The following CCSER1 variants were observed in gnomAD, a reference collection of about 807,000 sequenced individuals.
The protein encoded by CCSER1 is coiled-coil serine rich protein 1.
In CCSER1, 41 loss-of-function variants were observed where a neutral mutation model predicts 82.0. That is an observed-to-expected ratio of 0.50 (90% CI 0.39 to 0.65). The LOEUF is 0.65. CCSER1 is among the 30% of genes least tolerant of loss of function. The pLI is 0.00. For synonymous variants in CCSER1, 414 were observed against 383.9 expected (o/e 1.08, Z -0.92); for missense variants, 1,119 against 1,064.2 (o/e 1.05, Z -0.72).
intron 5 of CCSER1, among the ~76,000 whole-genome samples, chr4:90,548,415 G>A (rs6828345): frequency 0.16 from 24,222 of 151,830 alleles, 2,512 homozygotes; most frequent in East Asian, 0.43. Context: ...TATCCCAGCT[G>A]GCACAAGTAA....
intron 10 of CCSER1, among the ~76,000 whole-genome samples, chr4:91,104,021 G>T (rs968679450): frequency 2.6e-5 from 4 of 152,098 alleles, no homozygotes; most frequent in Admixed American, 6.6e-5. Flanking sequence ...CTCTGGGAAT[G>T]TCTGTCTTAT....
intron 9 of CCSER1, among the ~76,000 whole-genome samples, chr4:91,020,221 A>T (rs1446657375): frequency 6.6e-6 from 1 of 152,208 alleles, no homozygotes; most frequent in African/African-American, 2.4e-5. Flanking sequence ...AACTGAAGTG[A>T]TATAACCTCA....
chr4:90,883,364 G>T (rs1721629113), intron 8 of CCSER1, among the ~76,000 whole-genome samples: 1 of 151,890 alleles, frequency 6.6e-6, no homozygotes, highest in African/African-American at 2.4e-5. Flanking sequence ...ACTAAAAATG[G>T]TACATTTAAA....
At chr4:90,690,497 C>A (rs779430740) in intron 6 of CCSER1, among the ~76,000 whole-genome samples, 2 of 152,008 alleles carry the variant, frequency 1.3e-5, no homozygotes, top group Non-Finnish European at 2.9e-5. Flanking sequence ...AATTATTGTC[C>A]TGTAAAACCT....
chr4:91,376,907 C>CCTTCCCCG (rs199937163), intron 10 of CCSER1, among the ~76,000 whole-genome samples: 1 of 150,336 alleles, frequency 6.7e-6, no homozygotes, highest in Non-Finnish European at 1.5e-5. Flanking sequence ...TCCCTCCCCC[C>CCTTCCCCG]ACCCAGGACA....
chr4:90,904,577 T>C (rs939608299), intron 8 of CCSER1, among the ~76,000 whole-genome samples: 2 of 152,186 alleles, frequency 1.3e-5, no homozygotes, highest in African/African-American at 4.8e-5. Flanking sequence ...CATATTATAA[T>C]GCCTGAATGC....
chr4:90,380,351 T>C (rs901329862), intron 3 of CCSER1, among the ~76,000 whole-genome samples: 1 of 152,196 alleles, frequency 6.6e-6, no homozygotes, highest in African/African-American at 2.4e-5. Context: ...CAGGTTCTAA[T>C]TTTGATAAAT....
chr4:91,521,581 G>A (rs1760474735), intron 10 of CCSER1, among the ~76,000 whole-genome samples: 1 of 152,132 alleles, frequency 6.6e-6, no homozygotes, highest in South Asian at 2.1e-4. Context: ...GCTAACTGGT[G>A]CAAGATGGTA....
At chr4:90,459,460 TTGG>T (rs1222566849) in intron 4 of CCSER1, among the ~76,000 whole-genome samples, 1 of 152,232 alleles carries the variant, frequency 6.6e-6, no homozygotes, top group East Asian at 1.9e-4. Context: ...TATTATTGTC[TTGG>T]TGGCTTAAAC....
intron 8 of CCSER1, among the ~76,000 whole-genome samples, chr4:90,874,330 T>A (rs1157834556): frequency 6.6e-6 from 1 of 152,200 alleles, no homozygotes; most frequent in Non-Finnish European, 1.5e-5. Context: ...CACATAAAGC[T>A]AGTGGCCATG....
rs200274202 is a variant in CCSER1, at chr4:90,525,769, G to T, written c.1724+57415G>T. ...TCCTTCTACCTCAGCCTCCCCAGTA[G>T]TTGGGATCACAGGCACACTCCACTG... On this transcript the variant is annotated intron_variant, in intron 5 of 10. Transcript: ENST00000509176. Among the ~76,000 whole-genome samples, 6 of 152,132 alleles carry T rather than the reference G, an allele frequency of 3.9e-5. No homozygotes were observed. The East Asian group carries it at 1.2e-3, about 30-fold the overall frequency.
chr4:90,759,948 T>G (rs2149515755), intron 7 of CCSER1, among the ~76,000 whole-genome samples: 1 of 152,152 alleles, frequency 6.6e-6, no homozygotes, highest in African/African-American at 2.4e-5. Context: ...CTACTTAATA[T>G]GAATATTTTC....
chr4:90,379,147 G>T (rs911107440), intron 3 of CCSER1, among the ~76,000 whole-genome samples: 7 of 152,282 alleles, frequency 4.6e-5, no homozygotes, highest in African/African-American at 1.7e-4. Flanking sequence ...TTTATTTCTT[G>T]CTCACACAAA....
At position 90,932,893 on chromosome 4, in the gene CCSER1, G is replaced by GGAAGGAGAAA. The variant is rs1404019937; in HGVS notation, c.2172+9460_2172+9469dup. Among the ~76,000 whole-genome samples, 9 of 66,886 alleles carry GGAAGGAGAAA rather than the reference G, an allele frequency of 1.3e-4. 4 individuals are homozygous for GGAAGGAGAAA. The highest frequency in any genetic ancestry group is 2.0e-4 in the Non-Finnish European group (7 of 34,810). 43.9% of individuals were successfully genotyped at this position (66,886 alleles called of 152,430 possible). ...AGAAAGGAAGGAAGGAAAGAAAGAA[G>GGAAGGAGAAA]GAAGGAGAAAGAAGGAGAAAGAAAG... is the stretch of plus-strand genomic sequence containing the variant. On this transcript the variant is annotated intron_variant, in intron 9 of 10. Transcript: ENST00000509176.
intron 4 of CCSER1, among the ~76,000 whole-genome samples, chr4:90,432,615 C>T (rs779345800): frequency 2.0e-5 from 3 of 148,738 alleles, no homozygotes; most frequent in Admixed American, 1.4e-4. Context: ...TTCTCTCTTT[C>T]TTTATTTTCT....
intron 10 of CCSER1, among the ~76,000 whole-genome samples, chr4:91,323,447 C>T (rs775417203): frequency 3.3e-5 from 5 of 151,994 alleles, no homozygotes; most frequent in Non-Finnish European, 7.4e-5. Context: ...CACTGAAGTA[C>T]GAAGAAACAT....
intron 10 of CCSER1, among the ~76,000 whole-genome samples, chr4:91,169,201 T>A (rs868292132): frequency 1.4e-4 from 17 of 123,002 alleles, no homozygotes; most frequent in East Asian, 2.2e-4. Flanking sequence ...CAATAAATAC[T>A]AAAAAAAAAA....
At chr4:90,884,822 T>A (rs2150087439) in intron 8 of CCSER1, among the ~76,000 whole-genome samples, 1 of 152,208 alleles carries the variant, frequency 6.6e-6, no homozygotes, top group East Asian at 1.9e-4. Flanking sequence ...TTTTTCCTTT[T>A]AAAAGATAGG....
intron 10 of CCSER1, among the ~76,000 whole-genome samples, chr4:91,212,436 GT>G (rs746559262): frequency 1.3e-5 from 2 of 151,970 alleles, no homozygotes. Flanking sequence ...CTGCTAAGTG[GT>G]TCTAGCGTAT....
Sources: gnomAD v4.1 joint callset for allele counts (sites outside exome capture counted in the v4.1 genomes callset) on GRCh38, gnomAD v4.1.1 for gene constraint, MANE v1.5 for transcripts, NCBI Gene and HGNC (gene_info 2026-07-23, HGNC 2026-07-21) for gene names.